Variants in AATK observed in about 807,000 individuals in gnomAD.
AATK encodes the protein serine/threonine-protein kinase LMTK1.
AATK carries 91 observed loss-of-function variants against 114.3 expected under a neutral mutation model. The ratio of observed to expected loss-of-function variants is 0.80; its 90% CI spans 0.67 to 0.95. AATK has a LOEUF of 0.95. Among genes scored for constraint, AATK ranks in the 40% least tolerant of loss-of-function variants. AATK has a pLI of 0.00. For synonymous variants in AATK, 1,075 were observed against 916.5 expected (o/e 1.17, Z -3.12); for missense variants, 2,176 against 1,965.2 (o/e 1.11, Z -2.03).
intron 1 of AATK, 129 bp from the exon 2 acceptor site, chr17:81,134,630 C>CACCCCAG (rs1245435767): frequency 2.5e-6 from 3 of 1,218,720 alleles, no homozygotes; most frequent in Non-Finnish European, 3.4e-6. Context: ...CCTGACCTCT[C>CACCCCAG]ACCCCAGACC....
chr17:81,119,000 T>TGGGCACCGTGGGGCCG (rs766412892), intron 13 of AATK, among the ~76,000 whole-genome samples: 1 of 152,138 alleles, frequency 6.6e-6, no homozygotes, highest in African/African-American at 2.4e-5. Flanking sequence ...GGGCTCCACC[T>TGGGCACCGTGGGGCCG]GGGCACCGTG....
Position 81,142,545 on chromosome 17 carries a change from T to C in AATK, c.56-8044A>G, listed in dbSNP as rs538528299. 9.8e-5 allele frequency among the ~76,000 whole-genome samples: 15 copies of C among 152,320 alleles called. No homozygotes were observed. In the South Asian group the frequency reaches 3.1e-3, roughly 32 times the overall value. ...CCTTGGCCTCCAGTTTCAAAGTTAA[T>C]GTCTATTTGGCCATTGTCCAGCTCT... On this transcript the variant is annotated intron_variant, in intron 1 of 13. Transcript: ENST00000326724.
At chr17:81,118,544 G>C (rs541449312) in intron 13 of AATK, 102 bp from the exon 14 acceptor site, 1 of 1,257,588 alleles carries the variant, frequency 8.0e-7, no homozygotes. Flanking sequence ...CATACAGGCC[G>C]GGCCCCTTCC....
chr17:81,154,044 C>G (rs2061330752), intron 1 of AATK, among the ~76,000 whole-genome samples: 1 of 152,018 alleles, frequency 6.6e-6, no homozygotes, highest in South Asian at 2.1e-4. Flanking sequence ...TCACTGCACT[C>G]CAGCCTGGGC....
In AATK at chr17:81,121,092, C is replaced by T; in HGVS notation, c.2844G>A (p.Glu948=). Residue 948 remains glutamate (E), a synonymous_variant, in exon 11 of 14, where the codon GAG becomes GAA. Coordinates refer to ENST00000326724, the MANE Select transcript of AATK (RefSeq NM_001080395.3). ...CTTCCTGCGCCTCCTTGAGCACAAA[C>T]TCAGGGGACTCATAGTTCTCGGTGT... ...GYDTENYESP[E]FVLKEAQEGC... is the part of the protein sequence containing the mutation. The T allele has an allele frequency of 6.2e-7, 1 of 1,606,132 alleles. No homozygotes were observed. The highest frequency in any genetic ancestry group is 8.5e-7 in the Non-Finnish European group (1 of 1,176,506).
chr17:81,123,043 G>A (rs2060721002), intron 10 of AATK, 151 bp downstream of exon 10: 4 of 963,468 alleles, frequency 4.2e-6, no homozygotes, highest in East Asian at 3.2e-5. Context: ...GTACACAGGG[G>A]TGCAGAGGTG....
At chr17:81,122,918 C>T in intron 10 of AATK, 95 bp from the exon 11 acceptor site, 1 of 1,177,714 alleles carries the variant, frequency 8.5e-7, no homozygotes, top group Non-Finnish European at 1.1e-6. Flanking sequence ...CTCCCAGTGT[C>T]TTGGGGGCAT....
rs941640774 is a variant in AATK at position 81,119,982 on chromosome 17, C to T, written c.3837G>A (p.Arg1279=). The change falls in exon 12 of 14, where the codon CGG becomes CGA. Residue 1279 remains arginine (R), a synonymous_variant. Transcript: ENST00000326724. ...GSPGSPSAPN[R]PQQADGSPNG... ...TTGGGGAGCCATCAGCCTGCTGCGG[C>T]CGGTTGGGGGCGCTGGGAGAGCCGG... 6.2e-6 allele frequency: 9 copies of T among 1,448,424 alleles called. No individual in the cohort carries two copies. Among genetic ancestry groups the T allele is most frequent in the African/African-American group, 1.5e-5 (1 of 67,802 alleles). The allele number at this position is 1,448,424 out of a possible 1,614,324, so 89.7% of individuals were successfully genotyped here. A position where few individuals can be genotyped will look rare whatever the true frequency, so the allele number is the denominator to read the frequency against.
At chr17:81,127,549 A>G in intron 6 of AATK, 34 bp downstream of exon 6, 2 of 1,565,292 alleles carry the variant, frequency 1.3e-6, no homozygotes, top group Non-Finnish European at 1.7e-6. Flanking sequence ...CCGGCTCAGC[A>G]AAGACCCCAG....
chr17:81,137,085 C>A (rs2061021924), intron 1 of AATK, among the ~76,000 whole-genome samples: 1 of 152,038 alleles, frequency 6.6e-6, no homozygotes, highest in South Asian at 2.1e-4. Context: ...CAGCGAAACC[C>A]CATCTCTACT....
At chr17:81,165,892 AGC>A in intron 1 of AATK, 44 bp downstream of exon 1, 1 of 1,555,478 alleles carries the variant, frequency 6.4e-7, no homozygotes, top group Non-Finnish European at 8.7e-7. Context: ...TCACGTCCGC[AGC>A]GGAGGGAGGC....
At chr17:81,124,060 A>T (rs2060748277) in intron 9 of AATK, among the ~76,000 whole-genome samples, 1 of 152,108 alleles carries the variant, frequency 6.6e-6, no homozygotes, top group Admixed American at 6.5e-5. Flanking sequence ...ATGATGGGGC[A>T]GTCAAGTGGC....
chr17:81,161,733 C>A (rs561940962), intron 1 of AATK, among the ~76,000 whole-genome samples: 1 of 152,172 alleles, frequency 6.6e-6, no homozygotes, highest in Non-Finnish European at 1.5e-5. Context: ...CACAGCAGGG[C>A]CCGGCCCAGG....
At chr17:81,138,401 C>A (rs768508356) in intron 1 of AATK, among the ~76,000 whole-genome samples, 139 of 146,074 alleles carry the variant, frequency 9.5e-4, no homozygotes, top group Non-Finnish European at 1.5e-3. Flanking sequence ...ACACACACCC[C>A]CACACGTGCG....
intron 1 of AATK, among the ~76,000 whole-genome samples, chr17:81,145,270 G>GA (rs11393884): frequency 0.89 from 133,265 of 149,604 alleles, 59,462 homozygotes; most frequent in Middle Eastern, 0.95. Context: ...AAAGAAAAAA[G>GA]AAAAAAATAG....
intron 13 of AATK, 116 bp from the exon 14 acceptor site, chr17:81,118,558 C>T: frequency 9.3e-7 from 1 of 1,074,052 alleles, no homozygotes; most frequent in Non-Finnish European, 1.4e-6. Context: ...CCCTTCCCTG[C>T]AGCAGATCTG....
At chr17:81,119,337 G>GCATCCCGCGTGCCCTA in intron 13 of AATK, 43 bp downstream of exon 13, 1 of 1,115,558 alleles carries the variant, frequency 9.0e-7, no homozygotes, top group Non-Finnish European at 1.1e-6. Context: ...TCCGTGCCCT[G>GCATCCCGCGTGCCCTA]CCTCCCGCGT....
In AATK at chr17:81,126,945, G is replaced by T; in HGVS notation, c.622-385C>A. On this transcript the variant is annotated intron_variant, in intron 6 of 13. Transcript: ENST00000326724. The surrounding 1 kb of genome is among the most constrained non-coding windows in gnomAD (Gnocchi z 5.1). ...AGCCCCGGGACGGTCAACGTCAGGA[G>T]TCCAGACGCCAGTGTGTGAGGGCCC... The T allele has an allele frequency of 1.4e-6, 1 of 719,946 alleles. No individual in the cohort carries two copies. Among genetic ancestry groups the T allele is most frequent in the Non-Finnish European group, 1.8e-6 (1 of 559,934 alleles). The allele number at this position is 719,946 out of a possible 1,614,324, so 44.6% of individuals were successfully genotyped here.
At position 81,121,691 on chromosome 17, in the gene AATK, A is replaced by C; in HGVS notation, c.2245T>G (p.Cys749Gly). 1 of 1,499,754 alleles carries C rather than the reference A, an allele frequency of 6.7e-7. No homozygotes were observed. Among genetic ancestry groups the C allele is most frequent in the Non-Finnish European group, 8.9e-7 (1 of 1,128,656 alleles). 92.9% of individuals were successfully genotyped at this position (1,499,754 alleles called of 1,614,324 possible). ...GCAGGTGCCAGGCCCTGGGCAGAGC[A>C]TAGATGAGGGAGGCCGGGGCAGCAG... ...PGCCPGLPHL[C>G]SAQGLAPAPC... The change falls in exon 11 of 14, where the codon TGC (cysteine) becomes GGC (glycine). Residue 749 changes from cysteine to glycine, a missense_variant. Cys to Gly is a radical substitution (Grantham distance 159, BLOSUM62 -3). Around this residue, in one of 4 missense-constraint regions of AATK, gnomAD observed 1,701 missense variants for 1,394.7 expected, o/e 1.22. Transcript: ENST00000326724.
Sources: allele counts gnomAD v4.1 joint callset (sites outside exome capture counted in the v4.1 genomes callset), GRCh38; gene constraint gnomAD v4.1.1; regional missense constraint gnomAD v4.1.1; non-coding constraint Gnocchi (gnomAD v3.1); transcripts MANE v1.5; gene names NCBI Gene and HGNC (gene_info 2026-07-23, HGNC 2026-07-21).